The following CRTC1 variants were observed in gnomAD, a reference collection of about 807,000 sequenced individuals.
The protein encoded by CRTC1 is CREB-regulated transcription coactivator 1.
A neutral mutation model predicts 66.1 loss-of-function variants in CRTC1; 18 were observed. The ratio of observed to expected loss-of-function variants is 0.27; its 90% CI spans 0.19 to 0.40. The LOEUF is 0.40. Among genes scored for constraint, CRTC1 ranks in the 10% least tolerant of loss-of-function variants. The pLI, the probability that CRTC1 is intolerant of heterozygous loss-of-function variation, is 1.00. For synonymous variants in CRTC1, 416 were observed against 398.8 expected, an observed-to-expected ratio of 1.04 and a Z score of -0.51; for missense variants, 669 against 887.9, an observed-to-expected ratio of 0.75 and a Z score of 3.13.
Position 18,771,468 on chromosome 19 carries a change from T to TGCAG in CRTC1, c.1347_1348insGCAG (p.Ser450AlafsTer42). The TGCAG allele has an allele frequency of 6.2e-7, 1 of 1,613,556 alleles. No individual in the cohort carries two copies. On this transcript the variant is annotated frameshift_variant, in exon 11 of 14. Coordinates refer to ENST00000321949, the MANE Select transcript of CRTC1 (RefSeq NM_015321.3). LOFTEE classifies it high-confidence loss of function. This position sits in a 1 kb window ranked among gnomAD's most constrained non-coding sequence, Gnocchi z 4.6. ...CGCCGGCTCTGCAGCAGTACCGCACTAGCGCCGGCTCCCCGGCCAACCAGT... is the reference window on the plus strand; with the variant it reads ...CGCCGGCTCTGCAGCAGTACCGCACTGCAGAGCGCCGGCTCCCCGGCCAACCAGT...
chr19:18,708,985 A>G (rs2053329257), intron 1 of CRTC1, among the ~76,000 whole-genome samples: 1 of 152,026 alleles, frequency 6.6e-6, no homozygotes, highest in Non-Finnish European at 1.5e-5. Flanking sequence ...TAGGCCCGGG[A>G]GGAAGGCTGA....
intron 1 of CRTC1, among the ~76,000 whole-genome samples, chr19:18,729,699 C>G (rs765255426): frequency 2.6e-5 from 4 of 152,110 alleles, no homozygotes; most frequent in Non-Finnish European, 2.9e-5. Context: ...CATGATTACA[C>G]CACTGCACTC....
At chr19:18,746,923 A>T in intron 3 of CRTC1, 130 bp from the exon 4 acceptor site, 1 of 739,978 alleles carries the variant, frequency 1.4e-6, no homozygotes, top group Non-Finnish European at 2.3e-6. Flanking sequence ...CCCCCGCCCT[A>T]CTGGTCCCAG....
chr19:18,716,850 A>C (rs2053519411), intron 1 of CRTC1, among the ~76,000 whole-genome samples: 1 of 152,134 alleles, frequency 6.6e-6, no homozygotes, highest in South Asian at 2.1e-4. Flanking sequence ...GCGAGAGGGC[A>C]GAAGAGGTGC....
intron 10 of CRTC1, among the ~76,000 whole-genome samples, chr19:18,770,705 ATTTGTGGATATGTGGACATTTG>A (rs1202831047): frequency 4.6e-5 from 7 of 151,266 alleles, no homozygotes; most frequent in Non-Finnish European, 1.0e-4. Context: ...ATGTGTGGAC[ATTTGTGGATATGTGGACATTTG>A]TGTGTGGATA....
chr19:18,768,723 T>C lies in CRTC1; in HGVS notation c.1250T>C (p.Val417Ala). Residue 417 changes from valine to alanine, a missense_variant, in exon 10 of 14, where the codon GTA becomes GCA. By Grantham distance (64) the Val-to-Ala change is moderately conservative (BLOSUM62 0). Around this residue, in one of 8 missense-constraint regions of CRTC1, gnomAD observed 241 missense variants for 242.2 expected, o/e 0.99. Transcript: ENST00000321949. This position sits in a 1 kb window ranked among gnomAD's most constrained non-coding sequence, Gnocchi z 5.6. ...CAGCCGCCCCCGCTTGCAGTCACGGTACCGTCCTCTCTCCCCCAGTCCCCC... is the reference window on the plus strand; with the variant it reads ...CAGCCGCCCCCGCTTGCAGTCACGGCACCGTCCTCTCTCCCCCAGTCCCCC... ...GPQPPPLAVT[V>A]PSSLPQSPPE... The C allele has an allele frequency of 6.3e-7, 1 of 1,595,872 alleles. No individual in the cohort carries two copies.
intron 2 of CRTC1, among the ~76,000 whole-genome samples, chr19:18,743,348 C>T (rs1352623785): frequency 6.6e-6 from 1 of 152,260 alleles, no homozygotes; most frequent in African/African-American, 2.4e-5. Flanking sequence ...TGTCCTGCCT[C>T]ACTAATCCGC....
chr19:18,777,016 GC>G lies in CRTC1; in HGVS notation c.1694-151del, dbSNP rs2055003862. Among the ~76,000 whole-genome samples the G allele has an allele frequency of 6.6e-6, 1 of 152,166 alleles. No individual in the cohort carries two copies. The highest frequency in any genetic ancestry group is 1.5e-5 in the Non-Finnish European group (1 of 68,016). On this transcript the variant is annotated intron_variant, in intron 13 of 13. Transcript: ENST00000321949. The surrounding 1 kb of genome is among the most constrained non-coding windows in gnomAD (Gnocchi z 5.5). Reference sequence around the variant, plus strand: ...GTGCTGAGCAGCATCTCATGTGCTGGCCCCTCCCCCAGTCATGACAGCTGGA... The same window carrying G: ...GTGCTGAGCAGCATCTCATGTGCTGGCCCTCCCCCAGTCATGACAGCTGGA...
intron 2 of CRTC1, among the ~76,000 whole-genome samples, chr19:18,744,529 C>T (rs995164362): frequency 9.9e-5 from 15 of 152,186 alleles, no homozygotes; most frequent in Non-Finnish European, 1.6e-4. Flanking sequence ...CACGTGTGCA[C>T]GCATCTCCCA....
At position 18,777,408 on chromosome 19, in the gene CRTC1, C is replaced by T. The variant is rs759697491; in HGVS notation, c.*26C>T. ...GCGGGCACGCCGGCACCCTGCCGCTCAGCCGTCCCGACGGCGCCTCCCCAG... is the reference window on the plus strand; with the variant it reads ...GCGGGCACGCCGGCACCCTGCCGCTTAGCCGTCCCGACGGCGCCTCCCCAG... On this transcript the variant is annotated 3_prime_UTR_variant, in exon 14 of 14. Transcript: ENST00000321949. The surrounding 1 kb of genome is among the most constrained non-coding windows in gnomAD (Gnocchi z 5.5). 62 of 1,593,568 alleles carry T rather than the reference C, an allele frequency of 3.9e-5. No individual in the cohort carries two copies. Among genetic ancestry groups the T allele is most frequent in the Non-Finnish European group, 5.1e-5 (60 of 1,174,474 alleles).
intron 3 of CRTC1, among the ~76,000 whole-genome samples, chr19:18,746,382 G>A (rs1388135781): frequency 2.0e-5 from 3 of 152,154 alleles, no homozygotes; most frequent in African/African-American, 7.2e-5. Context: ...AAGGGGGTCT[G>A]TGTGAGACCC....
At chr19:18,702,698 C>G in intron 1 of CRTC1, among the ~76,000 whole-genome samples, 1 of 151,830 alleles carries the variant, frequency 6.6e-6, no homozygotes, top group Admixed American at 6.6e-5. Flanking sequence ...CCACACCCGG[C>G]TAATTTTGTA....
At chr19:18,747,413 G>T (rs1357278349) in intron 4 of CRTC1, among the ~76,000 whole-genome samples, 1 of 152,058 alleles carries the variant, frequency 6.6e-6, no homozygotes, top group African/African-American at 2.4e-5. Flanking sequence ...GAGGCAGGCG[G>T]ATCACTTGAG....
At chr19:18,737,589 A>G (rs1415698387) in intron 1 of CRTC1, among the ~76,000 whole-genome samples, 1 of 152,066 alleles carries the variant, frequency 6.6e-6, no homozygotes, top group Non-Finnish European at 1.5e-5. Context: ...AGATACGTCC[A>G]CACTCTCACT....
chr19:18,743,440 G>A lies in CRTC1; in HGVS notation c.243+414G>A, dbSNP rs567592426. 1.9e-4 allele frequency among the ~76,000 whole-genome samples: 29 copies of A among 152,360 alleles called. 1 individual carries two copies. The South Asian group carries it at 5.6e-3, about 29-fold the overall frequency. On this transcript the variant is annotated intron_variant, in intron 2 of 13. Coordinates refer to ENST00000321949, the MANE Select transcript of CRTC1 (RefSeq NM_015321.3). ...GTTTCTTGGCAGAGGCCCACACAGC[G>A]CGGCTCCCGCAGGCCGCACAGCCGC...
chr19:18,683,716 A>G lies in CRTC1; in HGVS notation c.14A>G (p.Asn5Ser), dbSNP rs776028286. The G allele has an allele frequency of 2.1e-6, 3 of 1,401,218 alleles. No individual in the cohort carries two copies. The highest frequency in any genetic ancestry group is 2.8e-6 in the Non-Finnish European group (3 of 1,053,010). 86.8% of individuals were successfully genotyped at this position (1,401,218 alleles called of 1,614,324 possible). A position where few individuals can be genotyped will look rare whatever the true frequency, so the allele number is the denominator to read the frequency against. MATS[N>S]NPRKFSEKIA... Reference sequence around the variant, plus strand: ...GGCGGCGAGAAGATGGCGACTTCGAACAATCCGCGGAAATTCAGCGAGAAG... The same window carrying G: ...GGCGGCGAGAAGATGGCGACTTCGAGCAATCCGCGGAAATTCAGCGAGAAG... The change falls in exon 1 of 14, where the codon AAC becomes AGC. Residue 5 changes from asparagine (N) to serine (S), a missense_variant. This residue lies in a region of CRTC1 where 23 missense variants were observed against 30.6 expected (regional missense o/e 0.75). Transcript: ENST00000321949.
rs181262506 is a variant in CRTC1 at position 18,776,255 on chromosome 19, T to A, written c.1693+434T>A. 3.5e-4 allele frequency among the ~76,000 whole-genome samples: 53 copies of A among 152,258 alleles called. 1 individual carries two copies. In the East Asian group the frequency reaches 0.01, roughly 29 times the overall value. On this transcript the variant is annotated intron_variant, in intron 13 of 13. Coordinates refer to ENST00000321949, the MANE Select transcript of CRTC1 (RefSeq NM_015321.3). The stretch of plus-strand genomic sequence containing the variant: ...GCAGCCAGCTAACAGGTCAGGGCCG[T>A]GATGCACCGTGACAACCACGCCCAA...
rs994924343 is a variant in CRTC1, at chr19:18,760,462, T to C, written c.886+234T>C. Among the ~76,000 whole-genome samples, 2 of 152,034 alleles carry C rather than the reference T, an allele frequency of 1.3e-5. No individual in the cohort carries two copies. Among genetic ancestry groups the C allele is most frequent in the African/African-American group, 4.8e-5 (2 of 41,382 alleles). ...GCCCCCAGACACCAGACAGTGGGTT[T>C]GAGGGTGTGTGATGGTGCTTTGGGG... On this transcript the variant is annotated intron_variant, in intron 8 of 13. Transcript: ENST00000321949. The surrounding 1 kb of genome is among the most constrained non-coding windows in gnomAD (Gnocchi z 6.2).
At chr19:18,689,309 C>T (rs548436210) in intron 1 of CRTC1, among the ~76,000 whole-genome samples, 3 of 151,562 alleles carry the variant, frequency 2.0e-5, no homozygotes, top group African/African-American at 7.3e-5. Flanking sequence ...CAATAGAATC[C>T]TACACAGTGA....
Sources: allele counts gnomAD v4.1 joint callset (sites outside exome capture counted in the v4.1 genomes callset), GRCh38; gene constraint gnomAD v4.1.1; regional missense constraint gnomAD v4.1.1; non-coding constraint Gnocchi (gnomAD v3.1); transcripts MANE v1.5; gene names NCBI Gene and HGNC (gene_info 2026-07-23, HGNC 2026-07-21).